Variants in ATP2A1 observed in about 807,000 individuals in gnomAD.
The protein encoded by ATP2A1 is ATPase sarcoplasmic/endoplasmic reticulum Ca2+ transporting 1.
A neutral mutation model predicts 109.5 loss-of-function variants in ATP2A1; 83 were observed. The observed-to-expected ratio is 0.76, with a 90% CI of 0.63 to 0.91. The LOEUF is 0.91. Among genes scored for constraint, ATP2A1 ranks in the 40% least tolerant of loss-of-function variants. The probability of loss-of-function intolerance (pLI) is 0.00; values close to 1 mark genes in which losing one functional copy is unlikely to be tolerated. For missense variants in ATP2A1, 1,101 were observed against 1,341.0 expected, an observed-to-expected ratio of 0.82 and a Z score of 2.80; for synonymous variants, 505 against 537.6, an observed-to-expected ratio of 0.94 and a Z score of 0.84.
In ATP2A1 at chr16:28,898,462, G is replaced by A. The variant is rs779663753; in HGVS notation, c.1764+11G>A. 3 of 1,611,500 alleles carry A rather than the reference G, an allele frequency of 1.9e-6. No homozygotes were observed. The African/African-American group carries it at 4.0e-5, about 22-fold the overall frequency. On this transcript the variant is annotated intron_variant, in intron 14 of 22. Coordinates refer to ENST00000395503, the MANE Select transcript of ATP2A1 (RefSeq NM_004320.6). This position sits in a 1 kb window ranked among gnomAD's most constrained non-coding sequence, Gnocchi z 4.0. ...TTCCTGGAGTATGAGGTAAGCAGCT[G>A]GGAGCCTCCCACTGTCGTGGAGCTG...
chr16:28,879,307 C>A, intron 2 of ATP2A1, 191 bp downstream of exon 2: 2 of 860,568 alleles, frequency 2.3e-6, no homozygotes, highest in Non-Finnish European at 3.8e-6. Context: ...AAGCAGCCAA[C>A]CCTTGAACTG....
chr16:28,887,949 C>T (rs566482432), intron 8 of ATP2A1, among the ~76,000 whole-genome samples: 10 of 152,304 alleles, frequency 6.6e-5, no homozygotes, highest in East Asian at 3.9e-4. Context: ...TACAGGTGCA[C>T]GCCGCCATGC....
At position 28,887,641 on chromosome 16, in the gene ATP2A1, G is replaced by A. The variant is rs781166858; in HGVS notation, c.847G>A (p.Val283Ile). 9.3e-6 allele frequency: 15 copies of A among 1,614,014 alleles called. No individual in the cohort carries two copies. Among genetic ancestry groups the A allele is most frequent in the East Asian group, 2.2e-5 (1 of 44,886 alleles). ...LINIGHFNDP[V>I]HGGSWFRGAI... ...CAACATTGGCCACTTCAACGACCCC[G>A]TCCATGGGGGCTCCTGGTTCCGCGG... The change falls in exon 8 of 23, where the codon GTC (valine) becomes ATC (isoleucine). Residue 283 changes from valine (V) to isoleucine (I), a missense_variant. Physicochemically the swap from Val to Ile is conservative, Grantham distance 29. Coordinates refer to ENST00000395503, the MANE Select transcript of ATP2A1 (RefSeq NM_004320.6).
Position 28,898,573 on chromosome 16 carries a change from G to A in ATP2A1, c.1764+122G>A. 3 of 1,159,940 alleles carry A rather than the reference G, an allele frequency of 2.6e-6. No individual in the cohort carries two copies. Among genetic ancestry groups the A allele is most frequent in the Admixed American group, 4.0e-5 (2 of 49,738 alleles). 71.9% of individuals were successfully genotyped at this position (1,159,940 alleles called of 1,614,324 possible). A position where few individuals can be genotyped will look rare whatever the true frequency, so the allele number is the denominator to read the frequency against. Reference sequence around the variant, plus strand: ...CGTCAGTCAAGTTGATGGCTCCTTAGTACAGGCCATGGAATCACAGGACAG... The same window carrying A: ...CGTCAGTCAAGTTGATGGCTCCTTAATACAGGCCATGGAATCACAGGACAG... On this transcript the variant is annotated intron_variant, in intron 14 of 22. Transcript: ENST00000395503. This position sits in a 1 kb window ranked among gnomAD's most constrained non-coding sequence, Gnocchi z 4.0.
intron 22 of ATP2A1, among the ~76,000 whole-genome samples, 163 bp from the exon 23 acceptor site, chr16:28,904,017 G>T (rs1471374829): frequency 6.9e-6 from 1 of 144,536 alleles, no homozygotes; most frequent in Non-Finnish European, 1.5e-5. Context: ...TGGGGCTGCA[G>T]TGGGGGGGGG....
At position 28,900,793 on chromosome 16, in the gene ATP2A1, C is replaced by A; in HGVS notation, c.1977C>A (p.Asp659Glu). 6 of 1,614,202 alleles carry A rather than the reference C, an allele frequency of 3.7e-6. No homozygotes were observed. The highest frequency in any genetic ancestry group is 5.1e-6 in the Non-Finnish European group (6 of 1,180,050). Residue 659 changes from aspartate (D) to glutamate (E), a missense_variant, in exon 15 of 23, where the codon GAC becomes GAA. Coordinates refer to ENST00000395503, the MANE Select transcript of ATP2A1 (RefSeq NM_004320.6). ...ADRAYTGREF[D>E]DLPLAEQREA... is the part of the protein sequence containing the mutation. ...GCGCCTACACGGGCCGAGAGTTCGA[C>A]GACCTGCCCCTGGCTGAACAGCGGG...
Position 28,903,779 on chromosome 16 carries a change from C to A in ATP2A1, c.*37+38C>A. ...TCTTGCCCTCAGCCCAGCTGCTGTG[C>A]CCCTGCCACCCGCGCCCCCTCAGCC... On this transcript the variant is annotated intron_variant, in intron 22 of 22. Transcript: ENST00000395503. This position sits in a 1 kb window ranked among gnomAD's most constrained non-coding sequence, Gnocchi z 5.6. The A allele has an allele frequency of 6.3e-7, 1 of 1,586,782 alleles. No homozygotes were observed. Among genetic ancestry groups the A allele is most frequent in the East Asian group, 2.2e-5 (1 of 44,746 alleles).
At chr16:28,887,781 T>C (rs1161837602) in intron 8 of ATP2A1, 59 bp downstream of exon 8, 9 of 1,554,130 alleles carry the variant, frequency 5.8e-6, no homozygotes, top group Non-Finnish European at 7.0e-6. Context: ...AGACCCCTTT[T>C]CTTTTCTTTT....
intron 12 of ATP2A1, 52 bp downstream of exon 12, chr16:28,895,005 G>A: frequency 6.2e-7 from 1 of 1,604,054 alleles, no homozygotes; most frequent in Non-Finnish European, 8.5e-7. Context: ...ATGCTGCATA[G>A]ACTAGAGGAA....
chr16:28,893,645 GT>G (rs571392375), intron 9 of ATP2A1, among the ~76,000 whole-genome samples: 4 of 114,762 alleles, frequency 3.5e-5, no homozygotes, highest in African/African-American at 7.9e-5. Flanking sequence ...TCGTTTGTGG[GT>G]TTTTTTTTGT....
intron 12 of ATP2A1, among the ~76,000 whole-genome samples, chr16:28,896,882 G>A (rs532881915): frequency 1.3e-5 from 2 of 151,766 alleles, no homozygotes; most frequent in Non-Finnish European, 2.9e-5. Context: ...TAGTAGAGAC[G>A]GGGTTTCTCC....
intron 9 of ATP2A1, among the ~76,000 whole-genome samples, chr16:28,890,527 C>T (rs761391941): frequency 4.6e-5 from 7 of 151,072 alleles, no homozygotes; most frequent in Non-Finnish European, 1.0e-4. Flanking sequence ...CGGTGGCTCA[C>T]GCCTGTAATC....
chr16:28,894,963 C>G lies in ATP2A1; in HGVS notation c.1419+10C>G. ...CAACGCCTGCAACTCGGTGAGCCTG[C>G]GGAGCCCCTGCCACAGGGCCGTCTC... is the stretch of plus-strand genomic sequence containing the variant. On this transcript the variant is annotated intron_variant, in intron 12 of 22. Coordinates refer to ENST00000395503, the MANE Select transcript of ATP2A1 (RefSeq NM_004320.6). 6.2e-7 allele frequency: 1 copy of G among 1,609,958 alleles called. No individual in the cohort carries two copies. The highest frequency in any genetic ancestry group is 8.5e-7 in the Non-Finnish European group (1 of 1,179,946).
At position 28,882,415 on chromosome 16, in the gene ATP2A1, G is replaced by A. The variant is rs201999816; in HGVS notation, c.325-36G>A. The stretch of plus-strand genomic sequence containing the variant: ...CCACAACTCCATAACTCTGCCTCCT[G>A]TGTATAACCCTGCCTCCTCCACCCT... On this transcript the variant is annotated intron_variant, in intron 4 of 22. Coordinates refer to ENST00000395503, the MANE Select transcript of ATP2A1 (RefSeq NM_004320.6). 2.7e-4 allele frequency: 438 copies of A among 1,613,344 alleles called. 1 individual carries two copies. Among genetic ancestry groups the A allele is most frequent in the Middle Eastern group, 6.7e-4 (4 of 5,990 alleles).
At chr16:28,884,962 T>C (rs1307262373) in intron 6 of ATP2A1, among the ~76,000 whole-genome samples, 1 of 151,938 alleles carries the variant, frequency 6.6e-6, no homozygotes, top group Admixed American at 6.6e-5. Context: ...CAAAAGGCTG[T>C]GCGAGGTGGC....
rs1311344721 is a variant in ATP2A1 at position 28,879,539 on chromosome 16, G to T, written c.175G>T (p.Asp59Tyr). 1 of 1,614,066 alleles carries T rather than the reference G, an allele frequency of 6.2e-7. No homozygotes were observed. Among genetic ancestry groups the T allele is most frequent in the Non-Finnish European group, 8.5e-7 (1 of 1,180,034 alleles). ...GGAGCTGGTGATAGAGCAGTTTGAAGACCTCCTGGTGCGGATTCTCCTCCT... is the reference window on the plus strand; with the variant it reads ...GGAGCTGGTGATAGAGCAGTTTGAATACCTCCTGGTGCGGATTCTCCTCCT... Reference protein sequence around the residue: ...LWELVIEQFEDLLVRILLLAA... With the variant: ...LWELVIEQFEYLLVRILLLAA... The change falls in exon 3 of 23, where the codon GAC (aspartate) becomes TAC (tyrosine). Residue 59 changes from aspartate (D) to tyrosine (Y), a missense_variant. Asp to Tyr is a radical substitution (Grantham distance 160, BLOSUM62 -3). Transcript: ENST00000395503.
At chr16:28,879,911 C>T (rs1963407707) in intron 3 of ATP2A1, 8 of 802,918 alleles carry the variant, frequency 1.0e-5, no homozygotes, top group Non-Finnish European at 1.3e-5. Flanking sequence ...GGCTGCGGCG[C>T]GGGGGGCCAC....
At position 28,888,966 on chromosome 16, in the gene ATP2A1, G is replaced by A. The variant is rs375857373; in HGVS notation, c.1095+13G>A. 10 of 1,613,882 alleles carry A rather than the reference G, an allele frequency of 6.2e-6. 1 individual carries two copies. The South Asian group carries it at 6.6e-5, about 11-fold the overall frequency. ...GTCTGTCTGCAAGGTCAGGAGCAGT[G>A]TGGGCAGCGCGCTCAGTCAGAAGGC... On this transcript the variant is annotated intron_variant, in intron 9 of 22. Coordinates refer to ENST00000395503, the MANE Select transcript of ATP2A1 (RefSeq NM_004320.6).
chr16:28,896,874 G>C (rs1018800429), intron 12 of ATP2A1, among the ~76,000 whole-genome samples: 2 of 151,478 alleles, frequency 1.3e-5, no homozygotes, highest in African/African-American at 4.8e-5. Context: ...TGTATTTTTA[G>C]TAGAGACGGG....
Sources: gnomAD v4.1 joint callset for allele counts (sites outside exome capture counted in the v4.1 genomes callset) on GRCh38, gnomAD v4.1.1 for gene constraint, Gnocchi (gnomAD v3.1) non-coding constraint, MANE v1.5 for transcripts, NCBI Gene and HGNC (gene_info 2026-07-23, HGNC 2026-07-21) for gene names.